The following GRM8 variants were observed in gnomAD, a reference collection of about 807,000 sequenced individuals.
GRM8 encodes the protein glutamate metabotropic receptor 8, also known as metabotropic glutamate receptor 8.
A neutral mutation model predicts 87.2 loss-of-function variants in GRM8; 47 were observed. That is an observed-to-expected ratio of 0.54 (90% CI 0.43 to 0.69). The LOEUF (loss-of-function observed/expected upper bound fraction) is 0.69. Among genes scored for constraint, GRM8 ranks in the 30% least tolerant of loss-of-function variants. The pLI is 0.00. For missense variants in GRM8, 1,019 were observed against 1,139.2 expected (o/e 0.89, Z 1.52); for synonymous variants, 396 against 404.5 (o/e 0.98, Z 0.25).
At chr7:126,708,818 G>T (rs906780919) in intron 7 of GRM8, among the ~76,000 whole-genome samples, 2 of 152,070 alleles carry the variant, frequency 1.3e-5, no homozygotes, top group Admixed American at 1.3e-4. Flanking sequence ...CTTGGGAAAC[G>T]AAGGATGTGG....
chr7:127,192,982 C>T (rs1423434111), intron 2 of GRM8, among the ~76,000 whole-genome samples: 1 of 152,144 alleles, frequency 6.6e-6, no homozygotes, highest in Non-Finnish European at 1.5e-5. Flanking sequence ...TTAGAGTACT[C>T]CAAATCCAAA....
chr7:126,452,286 G>C (rs935718691), intron 9 of GRM8, among the ~76,000 whole-genome samples: 1 of 133,320 alleles, frequency 7.5e-6, no homozygotes, highest in Non-Finnish European at 1.6e-5. Flanking sequence ...GCCTGTTGTG[G>C]GGTGGGGGGA....
At chr7:126,621,505 G>A (rs976123004) in intron 7 of GRM8, among the ~76,000 whole-genome samples, 1 of 151,930 alleles carries the variant, frequency 6.6e-6, no homozygotes, top group Middle Eastern at 3.2e-3. Context: ...TGCAACCTCC[G>A]CCTCCCAGGT....
At chr7:127,016,992 G>A (rs1586762056) in intron 3 of GRM8, among the ~76,000 whole-genome samples, 2 of 151,996 alleles carry the variant, frequency 1.3e-5, no homozygotes, top group Admixed American at 6.6e-5. Flanking sequence ...CTTGATTAAT[G>A]AGATCATCTA....
At chr7:126,805,202 T>C (rs1792544687) in intron 6 of GRM8, among the ~76,000 whole-genome samples, 1 of 152,122 alleles carries the variant, frequency 6.6e-6, no homozygotes, top group African/African-American at 2.4e-5. Context: ...ATTTTTTGTC[T>C]CCACTCTGCT....
chr7:126,858,020 C>T (rs1232761816), intron 6 of GRM8, among the ~76,000 whole-genome samples: 1 of 152,114 alleles, frequency 6.6e-6, no homozygotes, highest in Non-Finnish European at 1.5e-5. Flanking sequence ...CAATTTTCCA[C>T]TCTCCACGCA....
At chr7:127,093,450 T>G (rs1434241029) in intron 3 of GRM8, among the ~76,000 whole-genome samples, 1 of 152,232 alleles carries the variant, frequency 6.6e-6, no homozygotes, top group African/African-American at 2.4e-5. Context: ...GTGGTTGTCC[T>G]CCATGATATG....
chr7:126,957,964 T>C (rs1438826579), intron 3 of GRM8, among the ~76,000 whole-genome samples: 1 of 151,950 alleles, frequency 6.6e-6, no homozygotes, highest in Admixed American at 6.5e-5. Context: ...AGCACACACT[T>C]CCTCCCTTCT....
intron 10 of GRM8, 139 bp downstream of exon 10, chr7:126,445,987 T>G: frequency 7.3e-6 from 7 of 958,282 alleles, no homozygotes; most frequent in Non-Finnish European, 1.1e-5. Context: ...TTAAATGTGA[T>G]GGTGTCACGG....
chr7:127,238,900 C>A (rs1375151953), intron 2 of GRM8, among the ~76,000 whole-genome samples: 1 of 152,236 alleles, frequency 6.6e-6, no homozygotes, highest in Non-Finnish European at 1.5e-5. Flanking sequence ...GCCAGCATCT[C>A]CTTTGCAAAG....
chr7:127,078,156 C>A (rs2106190), intron 3 of GRM8, among the ~76,000 whole-genome samples: 17,345 of 152,204 alleles, frequency 0.11, 2,074 homozygotes, highest in African/African-American at 0.3. Flanking sequence ...CTCCTTAGAA[C>A]GTGGCAATAG....
chr7:126,592,233 A>G (rs949784715), intron 8 of GRM8, among the ~76,000 whole-genome samples: 1 of 151,818 alleles, frequency 6.6e-6, no homozygotes, highest in Admixed American at 6.6e-5. Context: ...CAATTATTTA[A>G]AACCTTAAAA....
At chr7:126,584,895 T>C (rs1056939512) in intron 8 of GRM8, among the ~76,000 whole-genome samples, 9 of 152,134 alleles carry the variant, frequency 5.9e-5, no homozygotes, top group African/African-American at 2.2e-4. Context: ...ATTAAAACAA[T>C]GGTAAGCAAA....
At chr7:127,105,471 G>T (rs573084674) in intron 3 of GRM8, 4 of 152,164 alleles carry the variant, frequency 2.6e-5, no homozygotes, top group African/African-American at 9.7e-5. Context: ...GCAGTCATCT[G>T]CAAGTCTCTC....
At chr7:127,070,353 A>G (rs1821554781) in intron 3 of GRM8, among the ~76,000 whole-genome samples, 1 of 152,176 alleles carries the variant, frequency 6.6e-6, no homozygotes, top group Non-Finnish European at 1.5e-5. Flanking sequence ...CAGGTGGAAC[A>G]GTGAGTACTA....
chr7:126,774,975 G>C (rs1175987625), intron 6 of GRM8, among the ~76,000 whole-genome samples: 20 of 152,118 alleles, frequency 1.3e-4, no homozygotes, highest in Admixed American at 1.3e-3. Flanking sequence ...TAAGCAGTTG[G>C]TCAATTCAAG....
chr7:127,216,202 T>A (rs1391412310), intron 2 of GRM8, among the ~76,000 whole-genome samples: 2 of 151,938 alleles, frequency 1.3e-5, no homozygotes, highest in East Asian at 1.9e-4. Context: ...GATCAATAAG[T>A]AGAGATTGCC....
chr7:127,038,555 G>A (rs1818061411), intron 3 of GRM8, among the ~76,000 whole-genome samples: 2 of 152,010 alleles, frequency 1.3e-5, no homozygotes, highest in Admixed American at 1.3e-4. Flanking sequence ...AGCTTCGAGT[G>A]AACTCACATA....
chr7:127,220,241 C>T (rs1330198510), intron 2 of GRM8, among the ~76,000 whole-genome samples: 1 of 152,136 alleles, frequency 6.6e-6, no homozygotes, highest in African/African-American at 2.4e-5. Flanking sequence ...TGTCCAGTTC[C>T]AGCACATGGA....
Sources: gnomAD v4.1 joint callset for allele counts (sites outside exome capture counted in the v4.1 genomes callset) on GRCh38, gnomAD v4.1.1 for gene constraint, MANE v1.5 for transcripts, NCBI Gene and HGNC (gene_info 2026-07-23, HGNC 2026-07-21) for gene names.